The following NCKAP5 variants were observed in gnomAD, a reference collection of about 807,000 sequenced individuals.
The protein encoded by NCKAP5 is NCK associated protein 5, also known as nck-associated protein 5.
Under a neutral mutation model 167.0 loss-of-function variants are expected in NCKAP5, and 92 were observed. That is an observed-to-expected ratio of 0.55 (90% CI 0.47 to 0.66). The LOEUF (loss-of-function observed/expected upper bound fraction) is 0.66, where lower values mean the gene tolerates loss of function less well. NCKAP5 is among the 30% of genes least tolerant of loss of function. NCKAP5 has a pLI of 0.00. For missense variants in NCKAP5, 2,378 were observed against 2,315.0 expected (o/e 1.03, Z -0.56); for synonymous variants, 891 against 877.4 (o/e 1.02, Z -0.27).
chr2:133,124,266 T>C (rs1052756431), intron 6 of NCKAP5, among the ~76,000 whole-genome samples: 1 of 152,192 alleles, frequency 6.6e-6, no homozygotes, highest in African/African-American at 2.4e-5. Flanking sequence ...AAACCTTAAT[T>C]ATTCCCCCTT....
intron 6 of NCKAP5, among the ~76,000 whole-genome samples, chr2:133,001,161 T>G (rs969447997): frequency 6.6e-6 from 1 of 151,936 alleles, no homozygotes; most frequent in South Asian, 2.1e-4. Context: ...TAAACACATA[T>G]GGAACTCCAG....
intron 8 of NCKAP5, chr2:132,930,014 C>T (rs1488874182): frequency 3.3e-5 from 5 of 152,166 alleles, no homozygotes; most frequent in African/African-American, 1.2e-4. Flanking sequence ...TGAGAGCATG[C>T]CTTGTGGACT....
chr2:132,681,397 T>C (rs1558912359), intron 19 of NCKAP5, among the ~76,000 whole-genome samples: 4 of 152,040 alleles, frequency 2.6e-5, no homozygotes. Context: ...TAAATATGTC[T>C]TAAAGCCTGT....
intron 3 of NCKAP5, among the ~76,000 whole-genome samples, chr2:133,320,457 G>C (rs370286754): frequency 6.6e-6 from 1 of 152,118 alleles, no homozygotes; most frequent in Non-Finnish European, 1.5e-5. Context: ...GGCTGGGTGC[G>C]GTGGCTCACG....
At chr2:132,927,006 A>G (rs753189289) in intron 8 of NCKAP5, among the ~76,000 whole-genome samples, 2 of 152,164 alleles carry the variant, frequency 1.3e-5, no homozygotes, top group African/African-American at 2.4e-5. Flanking sequence ...ATAGTTTCAG[A>G]TATTACATTT....
intron 11 of NCKAP5, among the ~76,000 whole-genome samples, chr2:132,829,918 A>G (rs908752412): frequency 2.6e-5 from 4 of 152,194 alleles, no homozygotes; most frequent in African/African-American, 7.2e-5. Context: ...TGAAATACAC[A>G]TAAGAGGCAT....
intron 8 of NCKAP5, among the ~76,000 whole-genome samples, chr2:132,954,026 T>C (rs543419995): frequency 2.0e-5 from 3 of 151,992 alleles, no homozygotes; most frequent in African/African-American, 2.4e-5. Context: ...GAACTGAGAG[T>C]TGGAGAAAGC....
chr2:133,537,160 G>A (rs1482933002), intron 2 of NCKAP5, among the ~76,000 whole-genome samples: 1 of 152,050 alleles, frequency 6.6e-6, no homozygotes, highest in Non-Finnish European at 1.5e-5. Context: ...TGATGTATAT[G>A]TCTAGCCTTA....
intron 11 of NCKAP5, among the ~76,000 whole-genome samples, chr2:132,811,476 G>A (rs1685860254): frequency 6.6e-6 from 1 of 152,110 alleles, no homozygotes; most frequent in African/African-American, 2.4e-5. Flanking sequence ...GAGATTCCCA[G>A]GTCACTGGAG....
At chr2:133,081,714 T>C (rs1302191510) in intron 6 of NCKAP5, among the ~76,000 whole-genome samples, 26 of 152,148 alleles carry the variant, frequency 1.7e-4, no homozygotes, top group Non-Finnish European at 1.5e-5. Flanking sequence ...CAATGTCTTA[T>C]ATGTAAAGGT....
intron 5 of NCKAP5, among the ~76,000 whole-genome samples, chr2:133,171,283 A>T (rs1239621846): frequency 1.3e-5 from 2 of 152,210 alleles, no homozygotes; most frequent in Admixed American, 1.3e-4. Flanking sequence ...TTAAAGATTC[A>T]ATCCTTTTAA....
intron 6 of NCKAP5, among the ~76,000 whole-genome samples, chr2:133,068,583 T>C (rs1390576169): frequency 2.0e-5 from 3 of 152,104 alleles, no homozygotes. Flanking sequence ...CTGTTCAAGC[T>C]GTTAGAGGGA....
chr2:133,506,743 G>C (rs1408236446), intron 3 of NCKAP5, among the ~76,000 whole-genome samples: 2 of 152,064 alleles, frequency 1.3e-5, no homozygotes, highest in African/African-American at 2.4e-5. Context: ...TCTATATCCT[G>C]CCACCCCTTT....
At chr2:132,868,887 T>A (rs551639601) in intron 10 of NCKAP5, 49 bp downstream of exon 10, 9 of 1,413,458 alleles carry the variant, frequency 6.4e-6, no homozygotes, top group Non-Finnish European at 8.6e-6. Flanking sequence ...TGAGCTCCAA[T>A]ATAGTCACAA....
At chr2:133,213,013 T>C (rs1363775311) in intron 5 of NCKAP5, among the ~76,000 whole-genome samples, 1 of 152,156 alleles carries the variant, frequency 6.6e-6, no homozygotes, top group Non-Finnish European at 1.5e-5. Flanking sequence ...TTTCCATAAG[T>C]GGAGGAAAAA....
At chr2:133,448,085 T>C (rs1383345218) in intron 3 of NCKAP5, among the ~76,000 whole-genome samples, 1 of 152,200 alleles carries the variant, frequency 6.6e-6, no homozygotes, top group Non-Finnish European at 1.5e-5. Flanking sequence ...AGTGGGCTGA[T>C]CATGTCCTAA....
At chr2:132,839,624 G>A (rs1477155223) in intron 11 of NCKAP5, among the ~76,000 whole-genome samples, 1 of 151,998 alleles carries the variant, frequency 6.6e-6, no homozygotes, top group Non-Finnish European at 1.5e-5. Flanking sequence ...AGCTGGGCAT[G>A]TTGGCATTTG....
intron 3 of NCKAP5, among the ~76,000 whole-genome samples, chr2:133,470,985 G>A (rs1023957399): frequency 5.3e-5 from 8 of 152,214 alleles, no homozygotes; most frequent in Admixed American, 2.6e-4. Flanking sequence ...CATCGCTCAC[G>A]CTGGGAGCTG....
At chr2:133,135,846 A>G (rs2082769603) in intron 5 of NCKAP5, among the ~76,000 whole-genome samples, 1 of 152,148 alleles carries the variant, frequency 6.6e-6, no homozygotes, top group South Asian at 2.1e-4. Flanking sequence ...CAAAAGTCCT[A>G]TATAAAAATA....
Sources: gnomAD v4.1 joint callset for allele counts (sites outside exome capture counted in the v4.1 genomes callset) on GRCh38, gnomAD v4.1.1 for gene constraint, MANE v1.5 for transcripts, NCBI Gene and HGNC (gene_info 2026-07-23, HGNC 2026-07-21) for gene names.